FXYD1: variants seen among roughly 807,000 people sequenced by gnomAD.
The protein encoded by FXYD1 is phospholemman.
Under a neutral mutation model 17.2 loss-of-function variants are expected in FXYD1, and 9 were observed. The observed-to-expected ratio is 0.52, with a 90% CI of 0.32 to 0.91. FXYD1 has a LOEUF of 0.91. Ranked by LOEUF, FXYD1 falls within the 40% of genes least tolerant of loss-of-function variation. The pLI is 0.04. For missense variants in FXYD1, 113 were observed against 120.6 expected, an observed-to-expected ratio of 0.94 and a Z score of 0.29; for synonymous variants, 55 against 45.8, an observed-to-expected ratio of 1.20 and a Z score of -0.81.
upstream of FXYD1, chr19:35,138,110 T>C (rs56168231): frequency 0.29 from 44,123 of 152,168 alleles, 6,542 homozygotes; most frequent in Middle Eastern, 0.36. Flanking sequence ...TCCATCTACA[T>C]GAGCGTGCGT....
Position 35,142,132 on chromosome 19 carries a change from T to C in FXYD1, c.207-340T>C, listed in dbSNP as rs183476127. 8.5e-4 allele frequency: 251 copies of C among 295,916 alleles called. 1 individual carries two copies. The highest frequency in any genetic ancestry group is 5.1e-3 in the African/African-American group (232 of 45,620). The allele number at this position is 295,916 out of a possible 1,614,324, so 18.3% of individuals were successfully genotyped here. A position where few individuals can be genotyped will look rare whatever the true frequency, so the allele number is the denominator to read the frequency against. ...GGCACAGGGAGGTAAAGTCACTTTG[T>C]TCAAGATCACTCAAGTGGAAGATGG... On this transcript the variant is annotated intron_variant, in intron 5 of 7. Transcript: ENST00000351325.
intron 1 of FXYD1, 61 bp from the exon 2 acceptor site, chr19:35,140,015 G>T: frequency 6.9e-7 from 1 of 1,456,486 alleles, no homozygotes. Flanking sequence ...AATCCCTTGG[G>T]TTCAAGCCCT....
upstream of FXYD1, chr19:35,138,645 C>G (rs988703503): frequency 4.6e-5 from 7 of 152,586 alleles, no homozygotes; most frequent in Non-Finnish European, 1.0e-4. Flanking sequence ...TGCTGCTGCT[C>G]TCTCTGAACT....
intron 3 of FXYD1, 71 bp from the exon 4 acceptor site, chr19:35,141,061 C>T (rs2065247252): frequency 2.2e-6 from 2 of 928,338 alleles, no homozygotes; most frequent in South Asian, 2.6e-5. Context: ...TTCCCTCCTT[C>T]CCAATTTACC....
In FXYD1 at chr19:35,140,906, C is replaced by G; in HGVS notation, c.95-226C>G. On this transcript the variant is annotated intron_variant, in intron 3 of 7. Coordinates refer to ENST00000351325, the MANE Select transcript of FXYD1 (RefSeq NM_021902.4). ...CCTCTGCTTCTTCCCGTCTTCTCTC[C>G]CCCCTGTCCTCCTCCTCCCTGTCCC... is the stretch of plus-strand genomic sequence containing the variant. 1.0e-5 allele frequency: 6 copies of G among 581,962 alleles called. No individual in the cohort carries two copies. The South Asian group carries it at 1.3e-4, about 12-fold the overall frequency. 36.0% of individuals were successfully genotyped at this position (581,962 alleles called of 1,614,324 possible).
chr19:35,142,378 C>A, intron 5 of FXYD1, 94 bp from the exon 6 acceptor site: 1 of 963,700 alleles, frequency 1.0e-6, no homozygotes, highest in Non-Finnish European at 1.6e-6. Flanking sequence ...CCTAGTTACA[C>A]CAATCTGGGA....
chr19:35,142,633 C>T, intron 6 of FXYD1, 87 bp from the exon 7 acceptor site: 1 of 1,534,976 alleles, frequency 6.5e-7, no homozygotes, highest in South Asian at 1.1e-5. Context: ...AAGCGGAGGG[C>T]GGGGAGTTGC....
chr19:35,141,512 T>C (rs1384624141), intron 4 of FXYD1, 24 bp from the exon 5 acceptor site: 8 of 1,603,170 alleles, frequency 5.0e-6, no homozygotes, highest in Non-Finnish European at 6.8e-6. Flanking sequence ...AGCCTCAGCT[T>C]CTCCTACCTC....
Position 35,142,508 on chromosome 19 carries a change from C to T in FXYD1, c.243C>T (p.Arg81=), listed in dbSNP as rs754418457. Reference sequence around the variant, plus strand: ...CCGATGAAGAGGAGGGAACTTTCCGCAGCTCCATCCGCCGTGAGTCTGGGG... The same window carrying T: ...CCGATGAAGAGGAGGGAACTTTCCGTAGCTCCATCCGCCGTGAGTCTGGGG... The part of the protein sequence containing the change: ...GEPDEEEGTF[R]SSIRRLSTRR... The change falls in exon 6 of 8, where the codon CGC becomes CGT. Residue 81 remains arginine, a synonymous_variant. Transcript: ENST00000351325. The T allele has an allele frequency of 6.2e-7, 1 of 1,613,266 alleles. No homozygotes were observed. The highest frequency in any genetic ancestry group is 2.2e-5 in the East Asian group (1 of 44,846).
intron 4 of FXYD1, 92 bp downstream of exon 4, chr19:35,141,298 C>A (rs1325466336): frequency 3.5e-6 from 1 of 289,510 alleles, no homozygotes; most frequent in African/African-American, 4.5e-5. Flanking sequence ...CTCTCCCTAG[C>A]CCCCCTCTCC....
intron 4 of FXYD1, 80 bp from the exon 5 acceptor site, chr19:35,141,456 G>T: frequency 1.7e-6 from 2 of 1,183,162 alleles, no homozygotes; most frequent in Non-Finnish European, 2.5e-6. Flanking sequence ...CGCCCCTCGC[G>T]AGGGCGAGCT....
At chr19:35,141,233 ACCCCGCCTCTC>A in intron 4 of FXYD1, 27 bp downstream of exon 4, 1 of 1,246,272 alleles carries the variant, frequency 8.0e-7, no homozygotes, top group Non-Finnish European at 1.1e-6. Context: ...CCCGCCCTCT[ACCCCGCCTCTC>A]CCTGGCCCCA....
chr19:35,140,534 C>T, intron 2 of FXYD1, 63 bp from the exon 3 acceptor site: 2 of 1,478,602 alleles, frequency 1.4e-6, no homozygotes, highest in South Asian at 2.3e-5. Context: ...CAGTGGTCTC[C>T]TCATGCCCCT....
chr19:35,138,755 C>T (rs1416647509), upstream of FXYD1: 1 of 139,888 alleles, frequency 7.1e-6, no homozygotes, highest in Non-Finnish European at 1.6e-5. Context: ...TTGGGGAGGG[C>T]ATGGGTGGGG....
intron 4 of FXYD1, 123 bp downstream of exon 4, chr19:35,141,329 TCCCGCCCCTCCCTGGC>T (rs2065252165): frequency 2.1e-5 from 8 of 382,618 alleles, no homozygotes; most frequent in South Asian, 1.0e-4. Flanking sequence ...TTCTCCCTGG[TCCCGCCCCTCCCTGGC>T]CCCGCCCCGC....
rs2065270040 is a variant in FXYD1, at chr19:35,142,822, G to A, written c.*29+51G>A. ...GGAGGGAAGGAGGGAGGAAGGAAAG[G>A]CGGGAGAGGGAGGGGGCCAAGTGCC... On this transcript the variant is annotated intron_variant, in intron 7 of 7. Transcript: ENST00000351325. The A allele has an allele frequency of 1.5e-5, 21 of 1,436,036 alleles. No individual in the cohort carries two copies. The South Asian group carries it at 2.5e-4, about 17-fold the overall frequency. 89.0% of individuals were successfully genotyped at this position (1,436,036 alleles called of 1,614,324 possible).
chr19:35,139,829 A>C, intron 1 of FXYD1: 1 of 442,882 alleles, frequency 2.3e-6, no homozygotes, highest in South Asian at 2.8e-5. Flanking sequence ...CCCCCCGGGG[A>C]CTGTGTGTCT....
At chr19:35,141,493 C>T in intron 4 of FXYD1, 43 bp from the exon 5 acceptor site, 1 of 1,568,784 alleles carries the variant, frequency 6.4e-7, no homozygotes, top group East Asian at 2.3e-5. Flanking sequence ...TTGGCGCCCG[C>T]CGGGAGGGAG....
rs1204477613 is a variant in FXYD1, at chr19:35,141,170, G to A, written c.133G>A (p.Gly45Arg). ...SLQIGGLVIAGILFILGILIV... is the reference protein window; with the variant it reads ...SLQIGGLVIARILFILGILIV... ...GCAGATCGGAGGCCTCGTCATCGCC[G>A]GGATCCTCTTCATCCTGGGCATCCT... is the stretch of plus-strand genomic sequence containing the variant. The change falls in exon 4 of 8, where the codon GGG (glycine) becomes AGG (arginine). Residue 45 changes from glycine to arginine, a missense_variant. Coordinates refer to ENST00000351325, the MANE Select transcript of FXYD1 (RefSeq NM_021902.4). 2.5e-6 allele frequency: 4 copies of A among 1,610,930 alleles called. No homozygotes were observed. Among genetic ancestry groups the A allele is most frequent in the African/African-American group, 2.7e-5 (2 of 74,678 alleles).
Sources: gnomAD v4.1 joint callset for allele counts on GRCh38, gnomAD v4.1.1 for gene constraint, MANE v1.5 for transcripts, NCBI Gene and HGNC (gene_info 2026-07-23, HGNC 2026-07-21) for gene names.